The following CPEB4 variants were observed in gnomAD, a reference collection of about 807,000 sequenced individuals.
The protein encoded by CPEB4 is cytoplasmic polyadenylation element-binding protein 4.
CPEB4 carries 12 observed loss-of-function variants against 72.5 expected under a neutral mutation model. The observed-to-expected ratio is 0.17, with a 90% CI of 0.11 to 0.27. CPEB4 has a LOEUF of 0.27. Among genes scored for constraint, CPEB4 ranks in the 10% least tolerant of loss-of-function variants. The pLI is 1.00. For synonymous variants in CPEB4, 302 were observed against 326.3 expected (o/e 0.93, Z 0.80); for missense variants, 614 against 908.5 (o/e 0.68, Z 4.17).
rs552188659 is a variant in CPEB4, at chr5:173,907,402, A to G, written c.1126-3121A>G. ...AACAAACCAAACAAAACCAGTCTAT[A>G]TTTTTTATCAATTGCTTCTTTTCAG... is the stretch of plus-strand genomic sequence containing the variant. On this transcript the variant is annotated intron_variant, in intron 1 of 9. Transcript: ENST00000265085. Among the ~76,000 whole-genome samples the G allele has an allele frequency of 4.6e-5, 7 of 152,318 alleles. No homozygotes were observed. In the South Asian group the frequency reaches 1.4e-3, roughly 32 times the overall value.
intron 3 of CPEB4, among the ~76,000 whole-genome samples, chr5:173,939,036 C>T (rs928242578): frequency 1.3e-5 from 2 of 152,172 alleles, no homozygotes; most frequent in Non-Finnish European, 2.9e-5. Context: ...GCTTACAATC[C>T]TAGCACTTGG....
chr5:173,940,792 T>C (rs1757810350), intron 3 of CPEB4, among the ~76,000 whole-genome samples: 1 of 152,210 alleles, frequency 6.6e-6, no homozygotes, highest in South Asian at 2.1e-4. Context: ...CCTGATTTGA[T>C]TGGGCAACTT....
intron 2 of CPEB4, among the ~76,000 whole-genome samples, chr5:173,915,012 C>T (rs1756814981): frequency 6.6e-6 from 1 of 152,072 alleles, no homozygotes; most frequent in South Asian, 2.1e-4. Context: ...ACGGGAACTA[C>T]CAGTTGAATC....
chr5:173,890,624 T>C lies in CPEB4; in HGVS notation c.891T>C (p.Ser297=), dbSNP rs1755776729. ...AGAGTCCGTCACCAACACCCTCCTCTTCCTGGAGCCCGGGCGGTGGTGGAT... is the reference window on the plus strand; with the variant it reads ...AGAGTCCGTCACCAACACCCTCCTCCTCCTGGAGCCCGGGCGGTGGTGGAT... ...SYQSPSPTPS[S]SWSPGGGGYG... The change falls in exon 1 of 10, where the codon TCT becomes TCC. Residue 297 remains serine, a synonymous_variant. Coordinates refer to ENST00000265085, the MANE Select transcript of CPEB4 (RefSeq NM_030627.4). 6.2e-7 allele frequency: 1 copy of C among 1,614,000 alleles called. No individual in the cohort carries two copies. Among genetic ancestry groups the C allele is most frequent in the Non-Finnish European group, 8.5e-7 (1 of 1,179,934 alleles).
At chr5:173,931,088 A>G (rs1275250668) in intron 2 of CPEB4, among the ~76,000 whole-genome samples, 1 of 152,182 alleles carries the variant, frequency 6.6e-6, no homozygotes, top group African/African-American at 2.4e-5. Flanking sequence ...TGTTGGCAAT[A>G]GAGAATAGTT....
At chr5:173,904,627 A>G (rs1756358562) in intron 1 of CPEB4, among the ~76,000 whole-genome samples, 1 of 152,104 alleles carries the variant, frequency 6.6e-6, no homozygotes, top group African/African-American at 2.4e-5. Context: ...TGCCTCCTTT[A>G]TTCAAATGTA....
intron 2 of CPEB4, chr5:173,910,819 G>A (rs1053502558): frequency 3.8e-5 from 18 of 479,404 alleles, no homozygotes; most frequent in Admixed American, 1.2e-4. Flanking sequence ...AGAGTACTAC[G>A]TGAGTACTAA....
chr5:173,890,173 A>T lies in CPEB4; in HGVS notation c.440A>T (p.Glu147Val), dbSNP rs1287017008. 1 of 1,614,160 alleles carries T rather than the reference A, an allele frequency of 6.2e-7. No homozygotes were observed. Among genetic ancestry groups the T allele is most frequent in the Non-Finnish European group, 8.5e-7 (1 of 1,180,020 alleles). ...GTGTTGACAGGGTTTGATTATCAAG[A>T]AGCCACTGGGCTAGGTACTTCAACC... ...SPVLTGFDYQ[E>V]ATGLGTSTQP... Residue 147 changes from glutamate to valine, a missense_variant, in exon 1 of 10, where the codon GAA (glutamate) becomes GTA (valine). Around this residue, in one of 5 missense-constraint regions of CPEB4, gnomAD observed 458 missense variants for 548.6 expected, o/e 0.83. Coordinates refer to ENST00000265085, the MANE Select transcript of CPEB4 (RefSeq NM_030627.4).
At chr5:173,928,090 GA>G (rs1757312994) in intron 2 of CPEB4, among the ~76,000 whole-genome samples, 2 of 152,184 alleles carry the variant, frequency 1.3e-5, no homozygotes, top group South Asian at 2.1e-4. Context: ...TGATAGTCTG[GA>G]AAAGGCAAGT....
chr5:173,896,488 A>G (rs1326975310), intron 1 of CPEB4, among the ~76,000 whole-genome samples: 1 of 152,202 alleles, frequency 6.6e-6, no homozygotes, highest in African/African-American at 2.4e-5. Flanking sequence ...AGAAAGATAA[A>G]GTTGTTGATA....
intron 3 of CPEB4, among the ~76,000 whole-genome samples, chr5:173,936,554 C>T (rs1013289341): frequency 1.3e-5 from 2 of 152,114 alleles, no homozygotes; most frequent in Non-Finnish European, 2.9e-5. Context: ...ATGCCTTATA[C>T]TAGTAAATTT....
In CPEB4 at chr5:173,890,509, C is replaced by G; in HGVS notation, c.776C>G (p.Pro259Arg). The change falls in exon 1 of 10, where the codon CCA becomes CGA. Residue 259 changes from proline (P) to arginine (R), a missense_variant. Pro to Arg is a moderately radical substitution (Grantham distance 103). Around this residue, in one of 5 missense-constraint regions of CPEB4, gnomAD observed 458 missense variants for 548.6 expected, o/e 0.83. Coordinates refer to ENST00000265085, the MANE Select transcript of CPEB4 (RefSeq NM_030627.4). ...AGGTCTCCTGCCAGTCCCCATCCCC[C>G]ACCCTTCACACATAGAAATGCTGCT... is the stretch of plus-strand genomic sequence containing the variant. The part of the protein sequence containing the change: ...QRRSPASPHP[P>R]PFTHRNAAFN... 1 of 1,613,670 alleles carries G rather than the reference C, an allele frequency of 6.2e-7. No homozygotes were observed. The highest frequency in any genetic ancestry group is 8.5e-7 in the Non-Finnish European group (1 of 1,179,782).
In CPEB4 at chr5:173,960,822, G is replaced by A. The variant is rs1266397316; in HGVS notation, c.*4685G>A. On this transcript the variant is annotated 3_prime_UTR_variant, in exon 10 of 10. Transcript: ENST00000265085. ...AGACCTTAATGTCATAGGATACGGT[G>A]TGTGGGATTATAATCTCTATGGCAT... 6.6e-6 allele frequency: 1 copy of A among 152,178 alleles called. No homozygotes were observed. Among genetic ancestry groups the A allele is most frequent in the East Asian group, 1.9e-4 (1 of 5,196 alleles). 9.4% of individuals were successfully genotyped at this position (152,178 alleles called of 1,614,324 possible).
chr5:173,944,243 A>G (rs1202261051), intron 4 of CPEB4, among the ~76,000 whole-genome samples: 4 of 152,218 alleles, frequency 2.6e-5, no homozygotes, highest in Non-Finnish European at 5.9e-5. Flanking sequence ...AAGTTGGAAT[A>G]TAACATTAAG....
At chr5:173,935,518 C>A (rs941371843) in intron 3 of CPEB4, among the ~76,000 whole-genome samples, 18 of 152,134 alleles carry the variant, frequency 1.2e-4, no homozygotes, top group Non-Finnish European at 2.9e-5. Context: ...TGCTTTGTTT[C>A]AATGTAACTT....
chr5:173,929,244 C>CTATT (rs1336124387), intron 2 of CPEB4, among the ~76,000 whole-genome samples: 3 of 152,252 alleles, frequency 2.0e-5, no homozygotes, highest in African/African-American at 7.2e-5. Context: ...GAGTTAATCT[C>CTATT]ATAATAGAGT....
At chr5:173,892,862 A>T (rs1325317670) in intron 1 of CPEB4, among the ~76,000 whole-genome samples, 1 of 152,200 alleles carries the variant, frequency 6.6e-6, no homozygotes, top group Non-Finnish European at 1.5e-5. Context: ...ATTGTTAGAA[A>T]CTAACTCTTC....
chr5:173,919,067 G>T (rs1756983737), intron 2 of CPEB4, among the ~76,000 whole-genome samples: 2 of 152,022 alleles, frequency 1.3e-5, no homozygotes, highest in East Asian at 1.9e-4. Context: ...TTTCTTTTCA[G>T]TTGTAGTAAA....
intron 2 of CPEB4, among the ~76,000 whole-genome samples, chr5:173,919,691 AG>A (rs1757006931): frequency 6.6e-6 from 1 of 152,094 alleles, no homozygotes; most frequent in Non-Finnish European, 1.5e-5. Flanking sequence ...ACTTTGGGGG[AG>A]GGGAAGAAAT....
Sources: allele counts gnomAD v4.1 joint callset (sites outside exome capture counted in the v4.1 genomes callset), GRCh38; gene constraint gnomAD v4.1.1; regional missense constraint gnomAD v4.1.1; transcripts MANE v1.5; gene names NCBI Gene and HGNC (gene_info 2026-07-23, HGNC 2026-07-21).